The following OSTN variants were observed in gnomAD, a reference collection of about 807,000 sequenced individuals.
OSTN encodes osteocrin.
Under a neutral mutation model 12.0 loss-of-function variants are expected in OSTN, and 9 were observed. That is an observed-to-expected ratio of 0.75 (90% CI 0.45 to 1.30). The LOEUF (loss-of-function observed/expected upper bound fraction) is 1.30. Among genes scored for constraint, OSTN ranks in the 50% most tolerant of loss-of-function variants. OSTN has a pLI of 0.00. For missense variants in OSTN, 148 were observed against 152.3 expected (o/e 0.97, Z 0.15); for synonymous variants, 59 against 56.9 (o/e 1.04, Z -0.16).
chr3:191,210,901 C>T (rs536025304), intron 1 of OSTN, among the ~76,000 whole-genome samples: 8 of 152,296 alleles, frequency 5.3e-5, no homozygotes, highest in African/African-American at 1.9e-4. Flanking sequence ...TTGTAACTTC[C>T]AGTAGTCAAA....
chr3:191,201,818 A>G (rs989402219), intron 1 of OSTN, among the ~76,000 whole-genome samples: 1 of 152,200 alleles, frequency 6.6e-6, no homozygotes, highest in African/African-American at 2.4e-5. Context: ...AAAATTAAAA[A>G]GTAGTAAAAA....
intron 3 of OSTN, among the ~76,000 whole-genome samples, chr3:191,222,323 C>T (rs545793324): frequency 1.4e-3 from 207 of 152,216 alleles, no homozygotes; most frequent in African/African-American, 4.6e-3. Flanking sequence ...AACACCAGCT[C>T]GTGAAAGCAG....
chr3:191,216,141 A>C (rs1395339146), intron 2 of OSTN, among the ~76,000 whole-genome samples: 1 of 152,034 alleles, frequency 6.6e-6, no homozygotes, highest in Non-Finnish European at 1.5e-5. Context: ...ACATGTGTAA[A>C]CCAGTGTAAA....
At chr3:191,248,813 G>A (rs370495724) in intron 3 of OSTN, among the ~76,000 whole-genome samples, 53 of 152,290 alleles carry the variant, frequency 3.5e-4, no homozygotes, top group African/African-American at 1.2e-3. Context: ...ATCAGACATG[G>A]TGGTACACAC....
At chr3:191,243,966 C>T (rs1270592616) in intron 3 of OSTN, among the ~76,000 whole-genome samples, 3 of 151,986 alleles carry the variant, frequency 2.0e-5, no homozygotes, top group African/African-American at 4.8e-5. Flanking sequence ...AAAATTTAGT[C>T]TATGGATTAC....
chr3:191,214,628 G>A (rs897442639), intron 2 of OSTN, among the ~76,000 whole-genome samples: 2 of 150,876 alleles, frequency 1.3e-5, no homozygotes, highest in Admixed American at 6.6e-5. Context: ...AAAGAGACTT[G>A]CTTGAGTCAA....
chr3:191,248,127 C>A (rs1715476984), intron 3 of OSTN, among the ~76,000 whole-genome samples: 1 of 152,160 alleles, frequency 6.6e-6, no homozygotes. Flanking sequence ...AGCCACTGCG[C>A]CGGGCCTCCG....
At chr3:191,254,618 T>C (rs750929184) in intron 4 of OSTN, among the ~76,000 whole-genome samples, 5 of 152,216 alleles carry the variant, frequency 3.3e-5, no homozygotes, top group Non-Finnish European at 7.3e-5. Context: ...GGCTAGAATC[T>C]AACAACAGGT....
intron 1 of OSTN, among the ~76,000 whole-genome samples, chr3:191,209,835 C>T (rs923061010): frequency 5.3e-5 from 8 of 151,844 alleles, no homozygotes; most frequent in Admixed American, 1.3e-4. Context: ...CCATTTCTTG[C>T]GTTTGAAATA....
In OSTN at chr3:191,240,430, A is replaced by G. The variant is rs146086337; in HGVS notation, c.318-9607A>G. On this transcript the variant is annotated intron_variant, in intron 3 of 4. Transcript: ENST00000682035. Reference sequence around the variant, plus strand: ...CCTTAAGTTTTTCCTAAGTTTTCTAAGTTTTTTCTAGAACCCCCAAATTGG... The same window carrying G: ...CCTTAAGTTTTTCCTAAGTTTTCTAGGTTTTTTCTAGAACCCCCAAATTGG... Among the ~76,000 whole-genome samples, 6 of 152,282 alleles carry G rather than the reference A, an allele frequency of 3.9e-5. No individual in the cohort carries two copies. The East Asian group carries it at 7.7e-4, about 20-fold the overall frequency.
At chr3:191,231,760 C>T (rs1715061005) in intron 3 of OSTN, among the ~76,000 whole-genome samples, 2 of 152,098 alleles carry the variant, frequency 1.3e-5, no homozygotes. Flanking sequence ...GATCCATTTT[C>T]CATACTCTGT....
intron 1 of OSTN, among the ~76,000 whole-genome samples, chr3:191,199,881 C>T (rs777321069): frequency 6.6e-6 from 1 of 152,008 alleles, no homozygotes; most frequent in African/African-American, 2.4e-5. Context: ...ATTTGTAGTG[C>T]TCTTGCTATT....
chr3:191,218,950 A>G lies in OSTN; in HGVS notation c.306A>G (p.Lys102=). ...DRLSAGSVDH[K]GKQRKVVDHP... Reference sequence around the variant, plus strand: ...TCTCAGCTGGCTCTGTAGATCACAAAGGTAAACAGAGGTAAGTGAACTCAG... The same window carrying G: ...TCTCAGCTGGCTCTGTAGATCACAAGGGTAAACAGAGGTAAGTGAACTCAG... The change falls in exon 3 of 5, where the codon AAA becomes AAG. Residue 102 remains lysine, a synonymous_variant. Transcript: ENST00000682035. The G allele has an allele frequency of 2.5e-6, 4 of 1,610,854 alleles. No homozygotes were observed. In the South Asian group the frequency reaches 3.3e-5, roughly 13 times the overall value.
At chr3:191,240,390 T>C (rs547821428) in intron 3 of OSTN, among the ~76,000 whole-genome samples, 3 of 152,220 alleles carry the variant, frequency 2.0e-5, no homozygotes, top group Non-Finnish European at 4.4e-5. Flanking sequence ...TGATCATTTA[T>C]TTTTTCTACA....
chr3:191,215,069 A>C (rs1714572746), intron 2 of OSTN, among the ~76,000 whole-genome samples: 1 of 152,218 alleles, frequency 6.6e-6, no homozygotes, highest in African/African-American at 2.4e-5. Flanking sequence ...AAAGAGATTT[A>C]ATTGACTTAT....
intron 1 of OSTN, among the ~76,000 whole-genome samples, chr3:191,206,360 G>C (rs1006426145): frequency 6.6e-6 from 1 of 152,088 alleles, no homozygotes; most frequent in Non-Finnish European, 1.5e-5. Context: ...AAAATGGAAT[G>C]TCTTACCATA....
chr3:191,204,909 A>G (rs2108587809), intron 1 of OSTN, among the ~76,000 whole-genome samples: 1 of 152,340 alleles, frequency 6.6e-6, no homozygotes, highest in African/African-American at 2.4e-5. Context: ...CTTCAGCTTC[A>G]TAACAATCAC....
intron 3 of OSTN, among the ~76,000 whole-genome samples, chr3:191,221,669 G>T (rs1714767372): frequency 6.6e-6 from 1 of 151,600 alleles, no homozygotes; most frequent in East Asian, 1.9e-4. Context: ...TCAAGAGGAA[G>T]CAGGGCATAA....
At chr3:191,213,635 A>G (rs1164128016) in intron 2 of OSTN, among the ~76,000 whole-genome samples, 2 of 152,102 alleles carry the variant, frequency 1.3e-5, no homozygotes, top group African/African-American at 4.8e-5. Flanking sequence ...ACAAAGAAAA[A>G]GAAATGTGAG....
Sources: gnomAD v4.1 joint callset for allele counts (sites outside exome capture counted in the v4.1 genomes callset) on GRCh38, gnomAD v4.1.1 for gene constraint, MANE v1.5 for transcripts, NCBI Gene and HGNC (gene_info 2026-07-23, HGNC 2026-07-21) for gene names.